The following PITPNM3 variants were observed in gnomAD, a reference collection of about 807,000 sequenced individuals.
The protein encoded by PITPNM3 is PITPNM family member 3.
Under a neutral mutation model 102.0 loss-of-function variants are expected in PITPNM3, and 26 were observed. The observed-to-expected ratio is 0.25, with a 90% CI of 0.19 to 0.35. The LOEUF (loss-of-function observed/expected upper bound fraction) is 0.35. PITPNM3 is among the 10% of genes least tolerant of loss of function. The pLI is 1.00. For synonymous variants in PITPNM3, 578 were observed against 558.6 expected (o/e 1.03, Z -0.49); for missense variants, 1,083 against 1,346.1 (o/e 0.80, Z 3.06).
At chr17:6,461,222 G>T (rs1904433135) in intron 18 of PITPNM3, 151 bp downstream of exon 18, 1 of 944,574 alleles carries the variant, frequency 1.1e-6, no homozygotes, top group South Asian at 1.4e-5. Flanking sequence ...CTACCTCACA[G>T]GGCTGCTAGA....
At chr17:6,519,566 A>G (rs1908392803) in intron 3 of PITPNM3, among the ~76,000 whole-genome samples, 1 of 151,648 alleles carries the variant, frequency 6.6e-6, no homozygotes, top group Admixed American at 6.6e-5. Context: ...GCAGTGGCTC[A>G]CACCTGTAAT....
intron 1 of PITPNM3, among the ~76,000 whole-genome samples, chr17:6,551,073 T>G (rs890000778): frequency 3.3e-5 from 5 of 152,020 alleles, no homozygotes; most frequent in African/African-American, 1.2e-4. Flanking sequence ...AAGCCTGGAG[T>G]CTGGCCAGGC....
intron 3 of PITPNM3, among the ~76,000 whole-genome samples, chr17:6,522,284 G>GCA (rs1567686777): frequency 4.0e-5 from 3 of 74,348 alleles, no homozygotes; most frequent in African/African-American, 2.1e-4. Flanking sequence ...TATTTAGTGT[G>GCA]CGCACACACA....
At chr17:6,516,578 AAC>A (rs1280326619) in intron 3 of PITPNM3, among the ~76,000 whole-genome samples, 2 of 151,564 alleles carry the variant, frequency 1.3e-5, no homozygotes, top group Non-Finnish European at 2.9e-5. Flanking sequence ...AAAAAAAAAA[AAC>A]AAAGAAAGAA....
rs1905887091 is a variant in PITPNM3, at chr17:6,483,653, C to T, written c.451G>A (p.Ala151Thr). 1 of 1,612,736 alleles carries T rather than the reference C, an allele frequency of 6.2e-7. No homozygotes were observed. The highest frequency in any genetic ancestry group is 1.1e-5 in the South Asian group (1 of 90,986). Residue 151 changes from alanine (A) to threonine (T), a missense_variant, in exon 6 of 20, where the codon GCA (alanine) becomes ACA (threonine). Ala to Thr is a moderately conservative substitution (Grantham distance 58). This residue lies in a region of PITPNM3 where 290 missense variants were observed against 337.8 expected (regional missense o/e 0.86). Coordinates refer to ENST00000262483, the MANE Select transcript of PITPNM3 (RefSeq NM_031220.4). ...GAGCTGAAGGTGTGGATGTCGGCTGCCTTGCAGGACGGGTCCCCGGCACCC... is the reference window on the plus strand; with the variant it reads ...GAGCTGAAGGTGTGGATGTCGGCTGTCTTGCAGGACGGGTCCCCGGCACCC... ...DTGAGDPSCK[A>T]ADIHTFSSVL...
intron 6 of PITPNM3, chr17:6,481,738 TGATAGATAGATAGATAGATA>T (rs60097568): frequency 7.1e-6 from 1 of 140,002 alleles, no homozygotes; most frequent in Non-Finnish European, 1.5e-5. Flanking sequence ...ATAGATCAGA[TGATAGATAGATAGATAGATA>T]GATAGATAGA....
Position 6,472,966 on chromosome 17 carries a change from C to A in PITPNM3, c.1259-139G>T. The A allele has an allele frequency of 9.4e-7, 1 of 1,066,248 alleles. No individual in the cohort carries two copies. Among genetic ancestry groups the A allele is most frequent in the Non-Finnish European group, 1.4e-6 (1 of 719,558 alleles). The allele number at this position is 1,066,248 out of a possible 1,614,324, so 66.0% of individuals were successfully genotyped here. A position where few individuals can be genotyped will look rare whatever the true frequency, so the allele number is the denominator to read the frequency against. On this transcript the variant is annotated intron_variant, in intron 10 of 19. Transcript: ENST00000262483. The surrounding 1 kb of genome is among the most constrained non-coding windows in gnomAD (Gnocchi z 4.1). Reference sequence around the variant, plus strand: ...CCGGGCTCCCTGCTCCCCACGGGAACAAAGCCATTACGTTCAGTTTGTCTC... The same window carrying A: ...CCGGGCTCCCTGCTCCCCACGGGAAAAAAGCCATTACGTTCAGTTTGTCTC...
intron 4 of PITPNM3, among the ~76,000 whole-genome samples, chr17:6,499,362 T>C (rs1254703782): frequency 2.6e-5 from 4 of 152,196 alleles, no homozygotes; most frequent in Admixed American, 2.6e-4. Flanking sequence ...GAGAGGCCCA[T>C]GGAGACCTCC....
intron 2 of PITPNM3, among the ~76,000 whole-genome samples, chr17:6,527,439 A>G (rs920494076): frequency 2.0e-5 from 3 of 152,196 alleles, no homozygotes; most frequent in Non-Finnish European, 4.4e-5. Context: ...CACACACAGT[A>G]AAAGCACAGG....
chr17:6,504,668 A>G (rs759829386), intron 3 of PITPNM3, among the ~76,000 whole-genome samples: 1 of 152,186 alleles, frequency 6.6e-6, no homozygotes, highest in Non-Finnish European at 1.5e-5. Context: ...GCACGGATCC[A>G]GTGCTCGCTA....
intron 6 of PITPNM3, among the ~76,000 whole-genome samples, chr17:6,483,195 C>G (rs1905848186): frequency 6.6e-6 from 1 of 152,100 alleles, no homozygotes; most frequent in Admixed American, 6.5e-5. Context: ...CCGCCCACCT[C>G]AGCCTCCCAA....
chr17:6,515,812 T>C (rs534349222), intron 3 of PITPNM3, among the ~76,000 whole-genome samples: 1 of 152,194 alleles, frequency 6.6e-6, no homozygotes, highest in African/African-American at 2.4e-5. Flanking sequence ...TGAATTAAGA[T>C]CAGATTGCTA....
At chr17:6,534,313 G>A (rs1909297525) in intron 2 of PITPNM3, among the ~76,000 whole-genome samples, 1 of 152,170 alleles carries the variant, frequency 6.6e-6, no homozygotes, top group South Asian at 2.1e-4. Flanking sequence ...CCGAGGAGTT[G>A]TTATGGTTCC....
chr17:6,461,585 C>A (rs755979546), intron 17 of PITPNM3, 29 bp from the exon 18 acceptor site: 6 of 1,611,840 alleles, frequency 3.7e-6, no homozygotes. Flanking sequence ...AAGGGTCCAG[C>A]CCTGCCCAGT....
At chr17:6,507,263 G>T (rs1043684105) in intron 3 of PITPNM3, among the ~76,000 whole-genome samples, 6 of 152,174 alleles carry the variant, frequency 3.9e-5, no homozygotes, top group African/African-American at 1.4e-4. Flanking sequence ...CCACACATAT[G>T]CACTGTCCCG....
chr17:6,455,623 G>T lies in PITPNM3; in HGVS notation c.2640C>A (p.Ala880=), dbSNP rs773036319. Residue 880 remains alanine (A), a synonymous_variant, in exon 20 of 20, where the codon GCC becomes GCA. Transcript: ENST00000262483. ...TQCQFLSEGY[A]AHLAALEASH... Reference sequence around the variant, plus strand: ...TGGCCTCCAGCGCGGCCAGGTGTGCGGCGTAGCCCTCGCTCAGGAACTGCG... The same window carrying T: ...TGGCCTCCAGCGCGGCCAGGTGTGCTGCGTAGCCCTCGCTCAGGAACTGCG... 19 of 1,568,574 alleles carry T rather than the reference G, an allele frequency of 1.2e-5. No homozygotes were observed. The highest frequency in any genetic ancestry group is 1.0e-4 in the South Asian group (9 of 89,812).
intron 1 of PITPNM3, among the ~76,000 whole-genome samples, chr17:6,546,691 T>C (rs1910035663): frequency 6.6e-6 from 1 of 152,152 alleles, no homozygotes; most frequent in Admixed American, 6.5e-5. Flanking sequence ...ATCAAATAAC[T>C]TGAAGGATAT....
intron 14 of PITPNM3, among the ~76,000 whole-genome samples, chr17:6,465,566 T>A (rs1490436982): frequency 6.6e-6 from 1 of 152,216 alleles, no homozygotes; most frequent in Admixed American, 6.5e-5. Flanking sequence ...AAGCCTCGTG[T>A]TCCCAGCACC....
At position 6,544,654 on chromosome 17, in the gene PITPNM3, T is replaced by TCTCTCTCTCTCA. The variant is rs376230474; in HGVS notation, c.23-6573_23-6572insTGAGAGAGAGAG. 2.3e-3 allele frequency among the ~76,000 whole-genome samples: 295 copies of TCTCTCTCTCTCA among 130,258 alleles called. 2 individuals carry two copies. The highest frequency in any genetic ancestry group is 0.012 in the South Asian group (45 of 3,706). 85.5% of individuals were successfully genotyped at this position (130,258 alleles called of 152,430 possible). ...CTCTCTCTCTCTCTCTCTCTCTCTC[T>TCTCTCTCTCTCA]CACACACACACACACACACACACAA... On this transcript the variant is annotated intron_variant, in intron 1 of 19. Coordinates refer to ENST00000262483, the MANE Select transcript of PITPNM3 (RefSeq NM_031220.4).
Sources: gnomAD v4.1 joint callset for allele counts (sites outside exome capture counted in the v4.1 genomes callset) on GRCh38, gnomAD v4.1.1 for gene constraint, gnomAD v4.1.1 regional missense constraint, Gnocchi (gnomAD v3.1) non-coding constraint, MANE v1.5 for transcripts, NCBI Gene and HGNC (gene_info 2026-07-23, HGNC 2026-07-21) for gene names.